MALRD1: variants seen among roughly 807,000 people sequenced by gnomAD.
The protein encoded by MALRD1 is MAM and LDL receptor class A domain containing 1.
Under a neutral mutation model 242.1 loss-of-function variants are expected in MALRD1, and 247 were observed. The observed-to-expected ratio is 1.02, with a 90% CI of 0.92 to 1.13. The LOEUF (loss-of-function observed/expected upper bound fraction) is 1.13, where lower values mean the gene tolerates loss of function less well. Among genes scored for constraint, MALRD1 ranks in the 50% most tolerant of loss-of-function variants. MALRD1 has a pLI of 0.00. For missense variants in MALRD1, 2,989 were observed against 2,533.1 expected (o/e 1.18, Z -3.86); for synonymous variants, 995 against 866.6 (o/e 1.15, Z -2.60).
At chr10:19,545,765 C>T (rs906044983) in intron 32 of MALRD1, among the ~76,000 whole-genome samples, 1 of 152,176 alleles carries the variant, frequency 6.6e-6, no homozygotes, top group East Asian at 1.9e-4. Context: ...ACTTCTGGAC[C>T]TTTCCCCACC....
In MALRD1 at chr10:19,347,780, G is replaced by C. The variant is rs187861593; in HGVS notation, c.3911G>C (p.Ser1304Thr). The change falls in exon 25 of 40, where the codon AGT becomes ACT. Residue 1304 changes from serine to threonine, a missense_variant. By Grantham distance (58) the Ser-to-Thr change is moderately conservative. Coordinates refer to ENST00000454679, the MANE Select transcript of MALRD1 (RefSeq NM_001142308.3). ...DETTFICRTS[S>T]GRCDFEFDLC... ...TGGAAATATTTTCCAGGTACCTCCA[G>C]TGGGCGCTGTGATTTCGAATTTGAT... 2.6e-6 allele frequency: 4 copies of C among 1,550,386 alleles called. No homozygotes were observed. The highest frequency in any genetic ancestry group is 3.5e-6 in the Non-Finnish European group (4 of 1,146,820).
chr10:19,625,080 C>G (rs1217645789), intron 36 of MALRD1, among the ~76,000 whole-genome samples: 2 of 100,838 alleles, frequency 2.0e-5, no homozygotes, highest in African/African-American at 7.0e-5. Context: ...GAGAGAGAGA[C>G]ATGAGACATG....
chr10:19,535,117 C>G (rs1198265002), intron 32 of MALRD1, among the ~76,000 whole-genome samples: 2 of 152,092 alleles, frequency 1.3e-5, no homozygotes, highest in African/African-American at 4.8e-5. Flanking sequence ...ATCTCCTGAC[C>G]TAGTGATTCG....
At chr10:19,543,654 G>A (rs1030064479) in intron 32 of MALRD1, among the ~76,000 whole-genome samples, 2 of 151,900 alleles carry the variant, frequency 1.3e-5, no homozygotes, top group Non-Finnish European at 2.9e-5. Context: ...ACCTAATAAT[G>A]CCACACCAGA....
intron 28 of MALRD1, among the ~76,000 whole-genome samples, chr10:19,434,284 A>G (rs1834262769): frequency 6.6e-6 from 1 of 152,194 alleles, no homozygotes; most frequent in African/African-American, 2.4e-5. Flanking sequence ...CAATGTGTAT[A>G]TTGATCTAAC....
chr10:19,542,941 A>G (rs945679410), intron 32 of MALRD1, among the ~76,000 whole-genome samples: 2 of 152,180 alleles, frequency 1.3e-5, no homozygotes, highest in Non-Finnish European at 2.9e-5. Context: ...TACAACTTTT[A>G]TCAACAGTAA....
intron 28 of MALRD1, among the ~76,000 whole-genome samples, chr10:19,415,359 A>G (rs1663736844): frequency 6.6e-6 from 1 of 152,200 alleles, no homozygotes; most frequent in Non-Finnish European, 1.5e-5. Flanking sequence ...AGTTAATGAT[A>G]CTGTGATTCC....
At chr10:19,554,441 A>AC (rs1835623636) in intron 32 of MALRD1, among the ~76,000 whole-genome samples, 1 of 152,174 alleles carries the variant, frequency 6.6e-6, no homozygotes, top group Non-Finnish European at 1.5e-5. Context: ...CAGCTTTGTT[A>AC]CATAGGTAAA....
intron 28 of MALRD1, among the ~76,000 whole-genome samples, chr10:19,436,553 C>A (rs7914203): frequency 0.31 from 46,920 of 151,902 alleles, 7,646 homozygotes; most frequent in East Asian, 0.46. Context: ...TAGACCTATA[C>A]CCCTGTAGAA....
At chr10:19,535,461 A>C (rs988355207) in intron 32 of MALRD1, among the ~76,000 whole-genome samples, 1 of 150,884 alleles carries the variant, frequency 6.6e-6, no homozygotes, top group African/African-American at 2.4e-5. Context: ...TCCCTCATAA[A>C]TATATGTATA....
intron 28 of MALRD1, among the ~76,000 whole-genome samples, chr10:19,446,743 C>A (rs1236045981): frequency 2.0e-5 from 3 of 152,094 alleles, no homozygotes; most frequent in Admixed American, 1.3e-4. Context: ...GAAAATAATT[C>A]TTCAATATCT....
At chr10:19,479,777 A>C (rs1836902893) in intron 29 of MALRD1, among the ~76,000 whole-genome samples, 1 of 152,096 alleles carries the variant, frequency 6.6e-6, no homozygotes, top group African/African-American at 2.4e-5. Context: ...TTTTCTATTG[A>C]ATTTACTCAG....
In MALRD1 at chr10:19,082,151, A is replaced by G. The variant is rs189059016; in HGVS notation, c.341-5689A>G. 3.5e-4 allele frequency among the ~76,000 whole-genome samples: 53 copies of G among 151,544 alleles called. No individual in the cohort carries two copies. In the East Asian group the frequency reaches 8.8e-3, roughly 25 times the overall value. On this transcript the variant is annotated intron_variant, in intron 2 of 39. Transcript: ENST00000454679. ...AGATGTTTTCTAGTGTATTATATTA[A>G]TATCCTTTTCTTTTTTTACTATATA...
At chr10:19,169,535 A>C (rs1834833137) in intron 13 of MALRD1, among the ~76,000 whole-genome samples, 1 of 152,166 alleles carries the variant, frequency 6.6e-6, no homozygotes, top group Non-Finnish European at 1.5e-5. Context: ...TTGCTTATGA[A>C]GATGCAACTT....
intron 26 of MALRD1, among the ~76,000 whole-genome samples, chr10:19,367,881 C>G (rs555684412): frequency 6.6e-6 from 1 of 151,936 alleles, no homozygotes; most frequent in African/African-American, 2.4e-5. Context: ...TTTTTTCATA[C>G]AATTGTTGGC....
rs368792582 is a variant in MALRD1, at chr10:19,670,716, G to A, written c.6138-21566G>A. Among the ~76,000 whole-genome samples, 34 of 152,258 alleles carry A rather than the reference G, an allele frequency of 2.2e-4. 1 individual carries two copies. The highest frequency in any genetic ancestry group is 7.5e-4 in the African/African-American group (31 of 41,548). On this transcript the variant is annotated intron_variant, in intron 36 of 39. Transcript: ENST00000454679. ...CTAGTTACTTATATCTTTGCATATT[G>A]TCTTTCTCAACACATACACACACTC... is the stretch of plus-strand genomic sequence containing the variant.
At chr10:19,482,440 G>T (rs1837034409) in intron 29 of MALRD1, among the ~76,000 whole-genome samples, 1 of 151,884 alleles carries the variant, frequency 6.6e-6, no homozygotes, top group Non-Finnish European at 1.5e-5. Flanking sequence ...AATGAGGGAA[G>T]AGAAAGAAAT....
chr10:19,399,618 T>G (rs1846741220), intron 28 of MALRD1, among the ~76,000 whole-genome samples: 1 of 152,182 alleles, frequency 6.6e-6, no homozygotes, highest in Non-Finnish European at 1.5e-5. Flanking sequence ...GATTCACTCT[T>G]GTATGCATTG....
In MALRD1 at chr10:19,209,437, T is replaced by A; in HGVS notation, c.2748T>A (p.Ser916=). The A allele has an allele frequency of 6.4e-7, 1 of 1,550,962 alleles. No homozygotes were observed. Among genetic ancestry groups the A allele is most frequent in the African/African-American group, 1.4e-5 (1 of 73,166 alleles). The change falls in exon 18 of 40, where the codon TCT becomes TCA. Residue 916 remains serine, a synonymous_variant. Coordinates refer to ENST00000454679, the MANE Select transcript of MALRD1 (RefSeq NM_001142308.3). ...TAKGHYLYIE[S]SEPQAFQDSA... is the part of the protein sequence containing the mutation. The stretch of plus-strand genomic sequence containing the variant: ...AAGGACACTATCTCTACATAGAATC[T>A]TCAGAGCCACAGGCTTTTCAAGACA...
Sources: gnomAD v4.1 joint callset for allele counts (sites outside exome capture counted in the v4.1 genomes callset) on GRCh38, gnomAD v4.1.1 for gene constraint, MANE v1.5 for transcripts, NCBI Gene and HGNC (gene_info 2026-07-23, HGNC 2026-07-21) for gene names.